APBA1: variants seen among roughly 807,000 people sequenced by gnomAD.
APBA1 encodes the protein amyloid beta precursor protein binding family A member 1, also known as amyloid-beta A4 precursor protein-binding family A member 1.
Under a neutral mutation model 86.6 loss-of-function variants are expected in APBA1, and 55 were observed. That is an observed-to-expected ratio of 0.64 (90% CI 0.51 to 0.80). The LOEUF is 0.80. Ranked by LOEUF, APBA1 falls within the 30% of genes least tolerant of loss-of-function variation. The pLI is 0.00. For synonymous variants in APBA1, 511 were observed against 493.9 expected, an observed-to-expected ratio of 1.03 and a Z score of -0.46; for missense variants, 1,090 against 1,183.0, an observed-to-expected ratio of 0.92 and a Z score of 1.15.
At chr9:69,494,612 T>C (rs573652802) in intron 2 of APBA1, 4 of 152,296 alleles carry the variant, frequency 2.6e-5, no homozygotes, top group African/African-American at 9.6e-5. Context: ...TGTATTTAAA[T>C]GAAATGCGCT....
intron 1 of APBA1, among the ~76,000 whole-genome samples, chr9:69,593,027 A>G (rs567308805): frequency 1.3e-5 from 2 of 152,376 alleles, no homozygotes; most frequent in East Asian, 3.8e-4. Context: ...ATAAAATGCC[A>G]TATAAGAAAC....
At chr9:69,620,149 G>T (rs553339336) in intron 1 of APBA1, among the ~76,000 whole-genome samples, 1 of 152,318 alleles carries the variant, frequency 6.6e-6, no homozygotes. Flanking sequence ...AGATCTGGCA[G>T]TTAGTACTGG....
At chr9:69,531,362 C>A (rs538263427) in intron 1 of APBA1, among the ~76,000 whole-genome samples, 12 of 152,186 alleles carry the variant, frequency 7.9e-5, no homozygotes, top group Admixed American at 2.6e-4. Flanking sequence ...AAAGACCCTT[C>A]AATTATCAGA....
intron 1 of APBA1, among the ~76,000 whole-genome samples, chr9:69,564,626 T>C (rs1836997096): frequency 6.6e-6 from 1 of 152,142 alleles, no homozygotes; most frequent in Non-Finnish European, 1.5e-5. Context: ...GTAGGAGACA[T>C]CACTTCACAC....
chr9:69,632,957 C>T (rs1009992364), intron 1 of APBA1, among the ~76,000 whole-genome samples: 5 of 151,746 alleles, frequency 3.3e-5, no homozygotes, highest in South Asian at 4.2e-4. Context: ...GTCAGAGTAT[C>T]GATTCCTCTA....
chr9:69,635,520 T>C (rs1006472166), intron 1 of APBA1, among the ~76,000 whole-genome samples: 6 of 151,586 alleles, frequency 4.0e-5, no homozygotes, highest in African/African-American at 1.5e-4. Flanking sequence ...TTAATGTAAA[T>C]GGACACAATT....
chr9:69,604,964 G>GAAGT (rs1307334664), intron 1 of APBA1, among the ~76,000 whole-genome samples: 3 of 152,236 alleles, frequency 2.0e-5, no homozygotes, highest in Admixed American at 6.5e-5. Context: ...GACAAGGAAG[G>GAAGT]AAGAGGTTGG....
At chr9:69,620,020 G>A (rs1379985901) in intron 1 of APBA1, among the ~76,000 whole-genome samples, 1 of 152,110 alleles carries the variant, frequency 6.6e-6, no homozygotes, top group Non-Finnish European at 1.5e-5. Flanking sequence ...CCCAAAACAA[G>A]CAATTAAATA....
chr9:69,456,173 G>T, intron 8 of APBA1, 74 bp downstream of exon 8: 1 of 1,485,126 alleles, frequency 6.7e-7, no homozygotes, highest in Non-Finnish European at 9.4e-7. Flanking sequence ...CATGTGTGAT[G>T]AATTAGACTG....
At position 69,453,564 on chromosome 9, in the gene APBA1, T is replaced by C. The variant is rs932451001; in HGVS notation, c.1789-1263A>G. On this transcript the variant is annotated intron_variant, in intron 8 of 12. Coordinates refer to ENST00000265381, the MANE Select transcript of APBA1 (RefSeq NM_001163.4). ...AAAAGTAAATGCTATACAAGGACCA[T>C]CACTGAATCTGCATATCGATTCTAT... is the stretch of plus-strand genomic sequence containing the variant. Among the ~76,000 whole-genome samples, 7 of 152,362 alleles carry C rather than the reference T, an allele frequency of 4.6e-5. 1 individual carries two copies. The highest frequency in any genetic ancestry group is 6.5e-5 in the Admixed American group (1 of 15,304).
intron 1 of APBA1, among the ~76,000 whole-genome samples, chr9:69,524,940 A>C (rs1159995322): frequency 6.6e-6 from 1 of 152,228 alleles, no homozygotes; most frequent in African/African-American, 2.4e-5. Context: ...GCAAATCAAT[A>C]AATGTGGATC....
chr9:69,432,839 A>G (rs1462794786), intron 11 of APBA1, among the ~76,000 whole-genome samples, 163 bp from the exon 12 acceptor site: 2 of 152,226 alleles, frequency 1.3e-5, no homozygotes, highest in African/African-American at 4.8e-5. Flanking sequence ...ACAAAAAAAT[A>G]GGTGCCGTCG....
At chr9:69,441,915 G>C (rs972358982) in intron 10 of APBA1, among the ~76,000 whole-genome samples, 1 of 152,212 alleles carries the variant, frequency 6.6e-6, no homozygotes. Flanking sequence ...CCTCTGTGTG[G>C]TCTGAGCTGA....
At chr9:69,581,905 G>A (rs1208867847) in intron 1 of APBA1, among the ~76,000 whole-genome samples, 1 of 152,136 alleles carries the variant, frequency 6.6e-6, no homozygotes, top group Admixed American at 6.5e-5. Context: ...AAGGCACTCT[G>A]TAAAAGAGTG....
intron 2 of APBA1, among the ~76,000 whole-genome samples, chr9:69,511,077 CTAAT>C (rs1455151478): frequency 6.6e-6 from 1 of 151,936 alleles, no homozygotes; most frequent in Non-Finnish European, 1.5e-5. Context: ...CAAATGGGAT[CTAAT>C]TAAACTAAAG....
At chr9:69,580,683 T>A (rs1201871687) in intron 1 of APBA1, among the ~76,000 whole-genome samples, 1 of 152,200 alleles carries the variant, frequency 6.6e-6, no homozygotes, top group Non-Finnish European at 1.5e-5. Context: ...ACAGGCTTCC[T>A]TTGAAAAACC....
chr9:69,626,144 C>T (rs1166618936), intron 1 of APBA1, among the ~76,000 whole-genome samples: 3 of 152,138 alleles, frequency 2.0e-5, no homozygotes, highest in Non-Finnish European at 4.4e-5. Flanking sequence ...AAATGTGGTT[C>T]ACAAGCTTAT....
In APBA1 at chr9:69,552,308, T is replaced by G. The variant is rs536879638; in HGVS notation, c.-69-35029A>C. Among the ~76,000 whole-genome samples the G allele has an allele frequency of 3.9e-5, 6 of 152,358 alleles. No individual in the cohort carries two copies. In the East Asian group the frequency reaches 1.2e-3, roughly 29 times the overall value. On this transcript the variant is annotated intron_variant, in intron 1 of 12. Coordinates refer to ENST00000265381, the MANE Select transcript of APBA1 (RefSeq NM_001163.4). ...CCACCTTGCTTGATTCATTGTGTTT[T>G]TCTGTTCAAGTATTAGAAAACACGT...
intron 1 of APBA1, among the ~76,000 whole-genome samples, chr9:69,627,728 T>C (rs10780542): frequency 0.9 from 137,073 of 152,204 alleles, 62,469 homozygotes; most frequent in East Asian, 1. Context: ...CTCCCACACC[T>C]AAAGTAACCA....
Sources: gnomAD v4.1 joint callset for allele counts (sites outside exome capture counted in the v4.1 genomes callset) on GRCh38, gnomAD v4.1.1 for gene constraint, MANE v1.5 for transcripts, NCBI Gene and HGNC (gene_info 2026-07-23, HGNC 2026-07-21) for gene names.